The following ANKRD18B variants were observed in gnomAD, a reference collection of about 807,000 sequenced individuals.
ANKRD18B encodes ankyrin repeat domain 18B, also known as ankyrin repeat domain-containing protein 18B.
Under a neutral mutation model 111.8 loss-of-function variants are expected in ANKRD18B, and 75 were observed. That is an observed-to-expected ratio of 0.67 (90% CI 0.56 to 0.81). The LOEUF is 0.81. Among genes scored for constraint, ANKRD18B ranks in the 40% least tolerant of loss-of-function variants. The pLI, the probability that ANKRD18B is intolerant of heterozygous loss-of-function variation, is 0.00. For missense variants in ANKRD18B, 1,038 were observed against 1,225.5 expected (o/e 0.85, Z 2.28); for synonymous variants, 356 against 417.3 (o/e 0.85, Z 1.79).
chr9:33,544,604 G>A (rs1828328627), intron 10 of ANKRD18B, among the ~76,000 whole-genome samples: 1 of 152,166 alleles, frequency 6.6e-6, no homozygotes, highest in Admixed American at 6.5e-5. Context: ...TTGGGAGGCT[G>A]AGGCAGGCAG....
intron 1 of ANKRD18B, among the ~76,000 whole-genome samples, chr9:33,525,600 C>G (rs1178878520): frequency 6.6e-6 from 1 of 152,062 alleles, no homozygotes; most frequent in African/African-American, 2.4e-5. Flanking sequence ...TATACAGGTA[C>G]ATTTTACGTT....
intron 17 of ANKRD18B, among the ~76,000 whole-genome samples, chr9:33,570,084 T>C (rs1050823719): frequency 1.3e-5 from 2 of 152,310 alleles, no homozygotes; most frequent in African/African-American, 2.4e-5. Flanking sequence ...CCAAGGTAGA[T>C]TGGAAAATTC....
At chr9:33,553,378 G>T (rs945222003) in intron 12 of ANKRD18B, among the ~76,000 whole-genome samples, 2 of 151,558 alleles carry the variant, frequency 1.3e-5, no homozygotes, top group African/African-American at 2.4e-5. Flanking sequence ...TAAATAAAAC[G>T]TTTTGTATAG....
intron 5 of ANKRD18B, 72 bp from the exon 6 acceptor site, chr9:33,536,806 A>G (rs1828208178): frequency 9.9e-7 from 1 of 1,006,562 alleles, no homozygotes; most frequent in African/African-American, 1.7e-5. Context: ...TGCTTTAAGA[A>G]TTTAATCTGT....
intron 10 of ANKRD18B, among the ~76,000 whole-genome samples, chr9:33,546,761 T>A (rs572073245): frequency 1.3e-5 from 2 of 152,248 alleles, no homozygotes; most frequent in East Asian, 1.9e-4. Context: ...CCTTAGGGGC[T>A]TTGGGTGAGT....
In ANKRD18B at chr9:33,567,319, G is replaced by C; in HGVS notation, c.2954+5G>C. The C allele has an allele frequency of 1.3e-6, 2 of 1,537,988 alleles. No homozygotes were observed. Among genetic ancestry groups the C allele is most frequent in the Non-Finnish European group, 1.7e-6 (2 of 1,143,108 alleles). On this transcript the variant is annotated splice_donor_5th_base_variant and intron_variant, in intron 16 of 18. Coordinates refer to ENST00000684830, the MANE Select transcript of ANKRD18B (RefSeq NM_001393611.1). ...CATGTCAGAAAAAATAACGAAGTAAGTCAAAACATATACTCATAGAAAATG... is the reference window on the plus strand; with the variant it reads ...CATGTCAGAAAAAATAACGAAGTAACTCAAAACATATACTCATAGAAAATG...
At chr9:33,534,309 A>G in intron 4 of ANKRD18B, 61 bp from the exon 5 acceptor site, 1 of 1,486,036 alleles carries the variant, frequency 6.7e-7, no homozygotes, top group East Asian at 2.5e-5. Flanking sequence ...AGTGTATCCA[A>G]TTTGCTAATT....
At chr9:33,533,693 AAAG>A (rs1382645123) in intron 4 of ANKRD18B, 148 bp downstream of exon 4, 1 of 1,389,892 alleles carries the variant, frequency 7.2e-7, no homozygotes, top group Admixed American at 3.4e-5. Context: ...ATCAGGTAGA[AAAG>A]AAGTTATTTG....
At chr9:33,540,405 C>T (rs1039025331) in intron 8 of ANKRD18B, among the ~76,000 whole-genome samples, 193 bp downstream of exon 8, 9 of 152,102 alleles carry the variant, frequency 5.9e-5, no homozygotes, top group Non-Finnish European at 8.8e-5. Flanking sequence ...AAACCAGGCA[C>T]CGGGAAAGCA....
chr9:33,537,063 G>A lies in ANKRD18B; in HGVS notation c.808+118G>A, dbSNP rs566131679. 139 of 615,136 alleles carry A rather than the reference G, an allele frequency of 2.3e-4. 1 individual carries two copies. Among genetic ancestry groups the A allele is most frequent in the African/African-American group, 1.5e-3 (78 of 50,722 alleles). 38.1% of individuals were successfully genotyped at this position (615,136 alleles called of 1,614,324 possible). A position where few individuals can be genotyped will look rare whatever the true frequency, so the allele number is the denominator to read the frequency against. ...TGTAATCCCAGCACTTTGGGAGGCC[G>A]AGGCAGGTGGATCACCTGAGGTCAG... On this transcript the variant is annotated intron_variant, in intron 6 of 18. Coordinates refer to ENST00000684830, the MANE Select transcript of ANKRD18B (RefSeq NM_001393611.1).
In ANKRD18B at chr9:33,572,992, A is replaced by C. The variant is rs1473154936; in HGVS notation, c.*558A>C. ...TCTACATGGAGAAATAAAACCAATA[A>C]ATAAAGGAGAAGGGAAAGTCATGAT... is the stretch of plus-strand genomic sequence containing the variant. On this transcript the variant is annotated 3_prime_UTR_variant, in exon 19 of 19. Coordinates refer to ENST00000684830, the MANE Select transcript of ANKRD18B (RefSeq NM_001393611.1). The C allele has an allele frequency of 2.9e-6, 1 of 348,030 alleles. No individual in the cohort carries two copies. Among genetic ancestry groups the C allele is most frequent in the African/African-American group, 2.2e-5 (1 of 46,358 alleles). 21.6% of individuals were successfully genotyped at this position (348,030 alleles called of 1,614,324 possible).
chr9:33,566,360 A>G lies in ANKRD18B; in HGVS notation c.2602A>G (p.Met868Val). The G allele has an allele frequency of 6.3e-7, 1 of 1,576,232 alleles. No individual in the cohort carries two copies. The change falls in exon 15 of 19, where the codon ATG becomes GTG. Residue 868 changes from methionine to valine, a missense_variant. By Grantham distance (21) the Met-to-Val change is conservative. Transcript: ENST00000684830. ...KCEKLEKDKK[M>V]LEEKVLNLKT... ...TGAAAAACTTGAGAAGGATAAAAAG[A>G]TGTTGGAAGAAAAAGTATTAAATCT...
chr9:33,556,598 A>G (rs1285243366), intron 13 of ANKRD18B, among the ~76,000 whole-genome samples: 1 of 152,206 alleles, frequency 6.6e-6, no homozygotes, highest in Non-Finnish European at 1.5e-5. Context: ...TGCTTTGGAC[A>G]TGTAATGTCA....
chr9:33,568,853 A>G lies in ANKRD18B; in HGVS notation c.3137A>G (p.Asn1046Ser). The G allele has an allele frequency of 6.4e-7, 1 of 1,551,384 alleles. No individual in the cohort carries two copies. The highest frequency in any genetic ancestry group is 2.4e-5 in the East Asian group (1 of 40,886). ...PKMAIRIPTS[N>S]PQTSNNCKNS... ...ATGGCCATAAGAATTCCTACTTCAA[A>G]CCCACAGACTTCAAATAACTGCAAG... Residue 1046 changes from asparagine (N) to serine (S), a missense_variant, in exon 17 of 19, where the codon AAC (asparagine) becomes AGC (serine). Coordinates refer to ENST00000684830, the MANE Select transcript of ANKRD18B (RefSeq NM_001393611.1).
At chr9:33,554,639 A>G (rs1040768290) in intron 12 of ANKRD18B, among the ~76,000 whole-genome samples, 1 of 152,174 alleles carries the variant, frequency 6.6e-6, no homozygotes, top group Non-Finnish European at 1.5e-5. Flanking sequence ...CATCTCTACT[A>G]AAAATACAAA....
At chr9:33,553,471 G>C (rs1828476597) in intron 12 of ANKRD18B, among the ~76,000 whole-genome samples, 1 of 152,100 alleles carries the variant, frequency 6.6e-6, no homozygotes, top group South Asian at 2.1e-4. Flanking sequence ...CATATAATAA[G>C]GGGCAGCTTT....
At chr9:33,567,584 A>G (rs2118136152) in intron 16 of ANKRD18B, among the ~76,000 whole-genome samples, 1 of 152,208 alleles carries the variant, frequency 6.6e-6, no homozygotes, top group East Asian at 1.9e-4. Flanking sequence ...TTTTTTCACT[A>G]AGTATTTTTG....
At chr9:33,559,376 A>T (rs1406648964) in intron 14 of ANKRD18B, among the ~76,000 whole-genome samples, 1 of 152,142 alleles carries the variant, frequency 6.6e-6, no homozygotes, top group Non-Finnish European at 1.5e-5. Flanking sequence ...ATGTCAAAAA[A>T]TATATATTTG....
At chr9:33,560,598 A>G (rs548420071) in intron 14 of ANKRD18B, among the ~76,000 whole-genome samples, 2 of 152,308 alleles carry the variant, frequency 1.3e-5, no homozygotes, top group African/African-American at 4.8e-5. Context: ...GAATACATCA[A>G]ACATTTTATG....
Sources: gnomAD v4.1 joint callset for allele counts (sites outside exome capture counted in the v4.1 genomes callset) on GRCh38, gnomAD v4.1.1 for gene constraint, MANE v1.5 for transcripts, NCBI Gene and HGNC (gene_info 2026-07-23, HGNC 2026-07-21) for gene names.